Variants in HELLS observed in about 807,000 individuals in gnomAD.
HELLS encodes the protein helicase, lymphoid specific, also known as lymphoid-specific helicase.
A neutral mutation model predicts 120.0 loss-of-function variants in HELLS; 32 were observed. The ratio of observed to expected loss-of-function variants is 0.27; its 90% CI spans 0.20 to 0.36. HELLS has a LOEUF of 0.36. Ranked by LOEUF, HELLS falls within the 10% of genes least tolerant of loss-of-function variation. The pLI, the probability that HELLS is intolerant of heterozygous loss-of-function variation, is 1.00. For synonymous variants in HELLS, 341 were observed against 323.4 expected (o/e 1.05, Z -0.58); for missense variants, 650 against 993.4 (o/e 0.65, Z 4.65).
chr10:94,586,213 C>T (rs1302619577), intron 12 of HELLS, among the ~76,000 whole-genome samples: 5 of 152,028 alleles, frequency 3.3e-5, no homozygotes, highest in Middle Eastern at 3.4e-3. Context: ...CTGCACCTCC[C>T]GGGTTCACGC....
At chr10:94,547,029 G>A (rs1472897676) in intron 2 of HELLS, among the ~76,000 whole-genome samples, 1 of 152,132 alleles carries the variant, frequency 6.6e-6, no homozygotes, top group Non-Finnish European at 1.5e-5. Flanking sequence ...CATGGCCTGT[G>A]TATTGCTACA....
At chr10:94,573,341 A>G (rs952509102) in intron 7 of HELLS, among the ~76,000 whole-genome samples, 3 of 152,244 alleles carry the variant, frequency 2.0e-5, no homozygotes, top group African/African-American at 7.2e-5. Flanking sequence ...TAACAGTTTA[A>G]TAAATTATTG....
At chr10:94,588,452 C>A in intron 13 of HELLS, 62 bp downstream of exon 13, 1 of 1,264,890 alleles carries the variant, frequency 7.9e-7, no homozygotes, top group Non-Finnish European at 1.1e-6. Flanking sequence ...TCTTTTTTCC[C>A]TTTTTTTTTG....
intron 6 of HELLS, chr10:94,570,460 C>T (rs1844086510): frequency 6.6e-6 from 1 of 151,966 alleles, no homozygotes; most frequent in Non-Finnish European, 1.5e-5. Context: ...TACATATATT[C>T]CCATGTATAT....
chr10:94,558,542 G>T (rs1843375428), intron 4 of HELLS, among the ~76,000 whole-genome samples: 1 of 152,108 alleles, frequency 6.6e-6, no homozygotes, highest in Non-Finnish European at 1.5e-5. Flanking sequence ...AGTGAAAAGA[G>T]AAATAATTTA....
At position 94,573,932 on chromosome 10, in the gene HELLS, CATCTT is replaced by C. The variant is rs761186415; in HGVS notation, c.478-25_478-21del. 9.7e-5 allele frequency: 128 copies of C among 1,320,418 alleles called. 2 individuals are homozygous for C. The highest frequency in any genetic ancestry group is 6.1e-4 in the South Asian group (49 of 80,152). The allele number at this position is 1,320,418 out of a possible 1,614,324, so 81.8% of individuals were successfully genotyped here. A position where few individuals can be genotyped will look rare whatever the true frequency, so the allele number is the denominator to read the frequency against. On this transcript the variant is annotated intron_variant, in intron 7 of 21. Transcript: ENST00000348459. The stretch of plus-strand genomic sequence containing the variant: ...GCATACAGCAGCATTTTGTATAACA[CATCTT>C]ATTAAACTTTTTTTCTCTACAGGAT...
At position 94,590,492 on chromosome 10, in the gene HELLS, A is replaced by T. The variant is rs189788350; in HGVS notation, c.1568A>T (p.Asp523Val). The change falls in exon 14 of 22, where the codon GAT (aspartate) becomes GTT (valine). Residue 523 changes from aspartate (D) to valine (V), a missense_variant. By Grantham distance (152) the Asp-to-Val change is radical. This residue lies in a region of HELLS where 191 missense variants were observed against 259.7 expected (regional missense o/e 0.74). Transcript: ENST00000348459. ...RKSINYSKID[D>V]FPNELEKLIS... ...TCAATAAATTACAGCAAAATAGATG[A>T]TTTCCCTAATGAATTGGAAAAACTG... The T allele has an allele frequency of 7.4e-5, 119 of 1,612,386 alleles. No homozygotes were observed. Among genetic ancestry groups the T allele is most frequent in the Non-Finnish European group, 8.1e-5 (96 of 1,179,596 alleles).
At chr10:94,580,218 T>G (rs1397234124) in intron 10 of HELLS, among the ~76,000 whole-genome samples, 1 of 136,098 alleles carries the variant, frequency 7.3e-6, no homozygotes, top group Non-Finnish European at 1.6e-5. Flanking sequence ...ACAGTCTCAC[T>G]CTGTCACCCA....
intron 9 of HELLS, among the ~76,000 whole-genome samples, chr10:94,575,813 G>A (rs995780710): frequency 1.3e-4 from 17 of 131,496 alleles, no homozygotes; most frequent in Non-Finnish European, 1.8e-4. Context: ...GTGTGTGTGT[G>A]TATGACAGAG....
At chr10:94,563,749 C>T (rs1843661449) in intron 6 of HELLS, among the ~76,000 whole-genome samples, 1 of 151,824 alleles carries the variant, frequency 6.6e-6, no homozygotes, top group Admixed American at 6.6e-5. Flanking sequence ...TTCAGCCTCC[C>T]AAACTGCTGA....
chr10:94,605,762 G>A (rs1225991332), downstream of HELLS, among the ~76,000 whole-genome samples: 1 of 150,004 alleles, frequency 6.7e-6, no homozygotes, highest in African/African-American at 2.5e-5. Flanking sequence ...CACCAATTTA[G>A]TTTGGACCAC....
rs1485841314 is a variant in HELLS at position 94,582,182 on chromosome 10, G to A, written c.1229+660G>A. Among the ~76,000 whole-genome samples, 4 of 152,286 alleles carry A rather than the reference G, an allele frequency of 2.6e-5. No individual in the cohort carries two copies. In the East Asian group the frequency reaches 7.7e-4, roughly 29 times the overall value. On this transcript the variant is annotated intron_variant, in intron 11 of 21. Coordinates refer to ENST00000348459, the MANE Select transcript of HELLS (RefSeq NM_018063.5). Reference sequence around the variant, plus strand: ...GAAGGAAGTAAGCTAATTGGGTGTGGAAAAATAATTTTAAATTTTGGGAAT... The same window carrying A: ...GAAGGAAGTAAGCTAATTGGGTGTGAAAAAATAATTTTAAATTTTGGGAAT...
downstream of HELLS, among the ~76,000 whole-genome samples, chr10:94,605,505 A>T (rs1395266399): frequency 6.6e-6 from 1 of 151,980 alleles, no homozygotes; most frequent in African/African-American, 2.4e-5. Context: ...ATCTGGCTGT[A>T]TTTTTGTTGG....
chr10:94,603,032 A>C (rs1033510258), downstream of HELLS, among the ~76,000 whole-genome samples: 3 of 152,194 alleles, frequency 2.0e-5, no homozygotes, highest in Non-Finnish European at 4.4e-5. Flanking sequence ...CGCAGTCAGA[A>C]AAGAATCTTT....
At chr10:94,609,463 G>C (rs966843022) in intron 9 of HELLS, among the ~76,000 whole-genome samples, 10 of 152,142 alleles carry the variant, frequency 6.6e-5, no homozygotes, top group African/African-American at 2.4e-4. Context: ...ACTATGATAG[G>C]TGTGTTAAGT....
chr10:94,580,156 TATATATACAC>T (rs1156418179), intron 10 of HELLS, among the ~76,000 whole-genome samples: 3 of 49,200 alleles, frequency 6.1e-5, no homozygotes, highest in African/African-American at 3.5e-4. Flanking sequence ...TATATATATA[TATATATACAC>T]ACACACACAC....
At position 94,588,408 on chromosome 10, in the gene HELLS, T is replaced by C; in HGVS notation, c.1488+18T>C. The C allele has an allele frequency of 1.3e-6, 2 of 1,513,892 alleles. No individual in the cohort carries two copies. Among genetic ancestry groups the C allele is most frequent in the Non-Finnish European group, 1.8e-6 (2 of 1,127,372 alleles). The allele number at this position is 1,513,892 out of a possible 1,614,324, so 93.8% of individuals were successfully genotyped here. ...CCAGTGAGGTATAGTGGTTTTGAAATGTACTGTAAATGAAACTTGACATAT... is the reference window on the plus strand; with the variant it reads ...CCAGTGAGGTATAGTGGTTTTGAAACGTACTGTAAATGAAACTTGACATAT... On this transcript the variant is annotated intron_variant, in intron 13 of 21. Coordinates refer to ENST00000348459, the MANE Select transcript of HELLS (RefSeq NM_018063.5).
chr10:94,557,773 A>G (rs1190891887), intron 3 of HELLS, among the ~76,000 whole-genome samples: 2 of 152,226 alleles, frequency 1.3e-5, no homozygotes, highest in East Asian at 1.9e-4. Flanking sequence ...TCCTCAACAC[A>G]AAGAGACTGT....
intron 6 of HELLS, among the ~76,000 whole-genome samples, chr10:94,566,024 C>T (rs1269336941): frequency 6.6e-6 from 1 of 152,090 alleles, no homozygotes; most frequent in African/African-American, 2.4e-5. Context: ...TCCCCAGTAG[C>T]AGGGACTACA....
Sources: gnomAD v4.1 joint callset for allele counts (sites outside exome capture counted in the v4.1 genomes callset) on GRCh38, gnomAD v4.1.1 for gene constraint, gnomAD v4.1.1 regional missense constraint, MANE v1.5 for transcripts, NCBI Gene and HGNC (gene_info 2026-07-23, HGNC 2026-07-21) for gene names.